The following CNTN4 variants were observed in gnomAD, a reference collection of about 807,000 sequenced individuals.
CNTN4 encodes contactin-4.
CNTN4 carries 77 observed loss-of-function variants against 122.5 expected under a neutral mutation model. The ratio of observed to expected loss-of-function variants is 0.63; its 90% CI spans 0.52 to 0.76. The LOEUF is 0.76. CNTN4 is among the 30% of genes least tolerant of loss of function. The pLI is 0.00. For missense variants in CNTN4, 1,256 were observed against 1,259.1 expected (o/e 1.00, Z 0.04); for synonymous variants, 512 against 447.0 (o/e 1.15, Z -1.83).
intron 2 of CNTN4, among the ~76,000 whole-genome samples, chr3:2,274,244 G>C (rs1427862454): frequency 6.6e-6 from 1 of 152,108 alleles, no homozygotes; most frequent in East Asian, 1.9e-4. Flanking sequence ...TTAGCCAGGT[G>C]TGGTGGTGGG....
At chr3:2,413,361 A>G (rs866034071) in intron 3 of CNTN4, among the ~76,000 whole-genome samples, 2 of 152,346 alleles carry the variant, frequency 1.3e-5, no homozygotes, top group African/African-American at 2.4e-5. Flanking sequence ...TAACAAAAGA[A>G]AACTCAAATT....
intron 3 of CNTN4, among the ~76,000 whole-genome samples, chr3:2,427,283 A>C (rs1234183632): frequency 4.6e-5 from 7 of 152,090 alleles, no homozygotes; most frequent in South Asian, 2.1e-4. Context: ...CTTTGTTCTC[A>C]TTGGTTTCAA....
At chr3:2,693,150 CAT>C (rs1277314182) in intron 4 of CNTN4, among the ~76,000 whole-genome samples, 1 of 152,122 alleles carries the variant, frequency 6.6e-6, no homozygotes, top group Non-Finnish European at 1.5e-5. Flanking sequence ...GTCTGCCTAT[CAT>C]TAATTAGTAT....
intron 4 of CNTN4, among the ~76,000 whole-genome samples, chr3:2,584,165 T>C (rs1331705539): frequency 6.6e-6 from 1 of 152,166 alleles, no homozygotes; most frequent in Non-Finnish European, 1.5e-5. Flanking sequence ...CAAAAGGCCA[T>C]GGCCTCCTCT....
chr3:2,120,753 A>C (rs1049946018), intron 2 of CNTN4, among the ~76,000 whole-genome samples: 1 of 152,070 alleles, frequency 6.6e-6, no homozygotes, highest in Admixed American at 6.6e-5. Flanking sequence ...GTGGACTGCT[A>C]GCTAAGGCTG....
chr3:2,191,836 T>C (rs537601632), intron 2 of CNTN4, among the ~76,000 whole-genome samples: 67 of 152,190 alleles, frequency 4.4e-4, no homozygotes, highest in African/African-American at 9.4e-4. Context: ...CCCATTAACT[T>C]GTCATTTACA....
intron 4 of CNTN4, among the ~76,000 whole-genome samples, chr3:2,671,567 T>C (rs570176124): frequency 1.0e-3 from 154 of 152,318 alleles, no homozygotes; most frequent in Non-Finnish European, 1.8e-3. Flanking sequence ...AGTTTGATCA[T>C]CTGAAGCCTT....
intron 2 of CNTN4, among the ~76,000 whole-genome samples, chr3:2,231,646 G>A (rs981990117): frequency 6.6e-6 from 1 of 152,160 alleles, no homozygotes; most frequent in South Asian, 2.1e-4. Context: ...CAAGGCTCAC[G>A]AGAATCAAAT....
chr3:2,510,342 C>T (rs1052357860), intron 3 of CNTN4, among the ~76,000 whole-genome samples: 1 of 142,082 alleles, frequency 7.0e-6, no homozygotes, highest in African/African-American at 2.5e-5. Flanking sequence ...CTAAGACTCA[C>T]AAAGGTGTAG....
intron 12 of CNTN4, among the ~76,000 whole-genome samples, chr3:2,915,238 G>C (rs1577253146): frequency 6.6e-6 from 1 of 152,120 alleles, no homozygotes; most frequent in South Asian, 2.1e-4. Flanking sequence ...GCTAATTTTT[G>C]TATTTTTAGT....
At chr3:2,345,346 A>T (rs71309889) in intron 3 of CNTN4, among the ~76,000 whole-genome samples, 10,037 of 152,218 alleles carry the variant, frequency 0.066, 408 homozygotes, top group Middle Eastern at 0.078. Context: ...ATCTGGAAAT[A>T]TAAGGGATAA....
chr3:2,347,461 G>A (rs1257888336), intron 3 of CNTN4, among the ~76,000 whole-genome samples: 1 of 127,852 alleles, frequency 7.8e-6, no homozygotes, highest in Non-Finnish European at 1.5e-5. Flanking sequence ...CCAGTCTGGA[G>A]TGCAGTGGCA....
chr3:2,447,551 T>G (rs1490965663), intron 3 of CNTN4, among the ~76,000 whole-genome samples: 1 of 152,108 alleles, frequency 6.6e-6, no homozygotes, highest in African/African-American at 2.4e-5. Flanking sequence ...TAAGAGCAAT[T>G]TCTTTTTCTA....
At position 2,335,760 on chromosome 3, in the gene CNTN4, T is replaced by G. The variant is rs149411720; in HGVS notation, c.-144-3418T>G. Among the ~76,000 whole-genome samples the G allele has an allele frequency of 2.3e-3, 345 of 152,270 alleles. 2 individuals carry two copies. Among genetic ancestry groups the G allele is most frequent in the African/African-American group, 7.7e-3 (322 of 41,564 alleles). ...TCCCAGTGAGGTGTGAATAAATAAT[T>G]CCTGCTTATATAATCAGCAACTTCT... On this transcript the variant is annotated intron_variant, in intron 2 of 24. Transcript: ENST00000418658.
At chr3:2,786,065 A>C (rs2091811566) in intron 6 of CNTN4, among the ~76,000 whole-genome samples, 1 of 151,904 alleles carries the variant, frequency 6.6e-6, no homozygotes, top group Non-Finnish European at 1.5e-5. Context: ...GTTAGAGAGG[A>C]GTTTGTCAGC....
intron 23 of CNTN4, among the ~76,000 whole-genome samples, chr3:3,049,878 C>T (rs139677554): frequency 8.3e-4 from 127 of 152,296 alleles, no homozygotes; most frequent in Non-Finnish European, 1.4e-3. Context: ...CTTCTCAACT[C>T]CAACCAGTTG....
At chr3:2,789,831 T>A (rs2091953654) in intron 6 of CNTN4, among the ~76,000 whole-genome samples, 2 of 152,320 alleles carry the variant, frequency 1.3e-5, no homozygotes, top group South Asian at 4.2e-4. Flanking sequence ...CCTGGAAAAG[T>A]ATATATCTGA....
At chr3:2,280,699 C>T (rs1449404637) in intron 2 of CNTN4, among the ~76,000 whole-genome samples, 3 of 152,116 alleles carry the variant, frequency 2.0e-5, no homozygotes, top group Non-Finnish European at 4.4e-5. Flanking sequence ...TGGAAAAACC[C>T]AACTTGTATT....
intron 2 of CNTN4, among the ~76,000 whole-genome samples, chr3:2,246,063 A>G (rs1163532972): frequency 6.6e-6 from 1 of 151,980 alleles, no homozygotes; most frequent in Non-Finnish European, 1.5e-5. Context: ...AGTTTTTCAG[A>G]ATGTCAGTGG....
Sources: gnomAD v4.1 joint callset for allele counts (sites outside exome capture counted in the v4.1 genomes callset) on GRCh38, gnomAD v4.1.1 for gene constraint, MANE v1.5 for transcripts, NCBI Gene and HGNC (gene_info 2026-07-23, HGNC 2026-07-21) for gene names.